The following GARNL3 variants were observed in gnomAD, a reference collection of about 807,000 sequenced individuals.
The protein encoded by GARNL3 is GTPase activating Rap/RanGAP domain like 3.
Under a neutral mutation model 125.0 loss-of-function variants are expected in GARNL3, and 63 were observed. That is an observed-to-expected ratio of 0.50 (90% CI 0.41 to 0.62). The LOEUF is 0.62. Among genes scored for constraint, GARNL3 ranks in the 20% least tolerant of loss-of-function variants. The pLI is 0.00. For missense variants in GARNL3, 994 were observed against 1,244.0 expected (o/e 0.80, Z 3.02); for synonymous variants, 439 against 457.5 (o/e 0.96, Z 0.52).
chr9:127,389,904 G>T (rs1461576742), intron 26 of GARNL3, among the ~76,000 whole-genome samples: 3 of 124,422 alleles, frequency 2.4e-5, no homozygotes, highest in Non-Finnish European at 4.8e-5. Flanking sequence ...CTGGGTGACA[G>T]AGTGACACCC....
intron 24 of GARNL3, among the ~76,000 whole-genome samples, chr9:127,386,142 G>C (rs905397891): frequency 2.6e-5 from 4 of 152,156 alleles, no homozygotes; most frequent in African/African-American, 9.7e-5. Context: ...TACAGTTGCA[G>C]TTCAACCATG....
At position 127,325,041 on chromosome 9, in the gene GARNL3, A is replaced by G. The variant is rs369677063; in HGVS notation, c.568-28A>G. 6 of 1,607,560 alleles carry G rather than the reference A, an allele frequency of 3.7e-6. No individual in the cohort carries two copies. In the African/African-American group the frequency reaches 4.0e-5, roughly 11 times the overall value. ...ATGAAATAATTACTGTTATGCCTGG[A>G]TGTAACTTTTAAAACTTTATTTGAC... On this transcript the variant is annotated intron_variant, in intron 6 of 27. Transcript: ENST00000373387.
intron 1 of GARNL3, among the ~76,000 whole-genome samples, chr9:127,272,988 A>G (rs2063861103): frequency 1.3e-5 from 2 of 152,016 alleles, no homozygotes; most frequent in Admixed American, 6.6e-5. Context: ...TATGGTTATT[A>G]TTTTATTATT....
chr9:127,363,537 A>C (rs1831124745), intron 21 of GARNL3: 1 of 152,244 alleles, frequency 6.6e-6, no homozygotes. Context: ...TTGGCACCAT[A>C]ATGAGACCTT....
chr9:127,243,230 C>T (rs1205675057), exon 2 of GARNL3: 1 of 1,366,608 alleles, frequency 7.3e-7, no homozygotes, highest in South Asian at 1.1e-5. Context: ...AGACCCTGAA[C>T]TAGAGTCCCA....
At position 127,345,381 on chromosome 9, in the gene GARNL3, ATAG is replaced by A. The variant is rs765753435; in HGVS notation, c.1357-21_1357-19del. ...TACTTTTGCCGCCTAGTAAACTTTA[ATAG>A]AGATCTCTGTTCTGTAAGGCACTAA... On this transcript the variant is annotated intron_variant, in intron 15 of 27. Transcript: ENST00000373387. 6.5e-7 allele frequency: 1 copy of A among 1,530,482 alleles called. No homozygotes were observed. Among genetic ancestry groups the A allele is most frequent in the Non-Finnish European group, 8.9e-7 (1 of 1,125,954 alleles). 94.8% of individuals were successfully genotyped at this position (1,530,482 alleles called of 1,614,324 possible). A position where few individuals can be genotyped will look rare whatever the true frequency, so the allele number is the denominator to read the frequency against.
intron 21 of GARNL3, among the ~76,000 whole-genome samples, chr9:127,359,453 G>C (rs1830864351): frequency 1.3e-5 from 2 of 151,846 alleles, no homozygotes; most frequent in South Asian, 4.2e-4. Context: ...TCGTGCCACT[G>C]CACTCCAGCC....
At chr9:127,287,306 A>G (rs2064278846) in intron 1 of GARNL3, among the ~76,000 whole-genome samples, 1 of 152,166 alleles carries the variant, frequency 6.6e-6, no homozygotes, top group Non-Finnish European at 1.5e-5. Flanking sequence ...ATGGGTTCTG[A>G]TAGAGATTGT....
chr9:127,336,190 A>G lies in GARNL3; in HGVS notation c.936A>G (p.Glu312=). The change falls in exon 11 of 28, where the codon GAA becomes GAG. Residue 312 remains glutamate (E), a synonymous_variant. Transcript: ENST00000373387. ...CCATTGTGTTCCAAGAAGGAGAGGAATCTTCTCCTGCCTTTAAGCCTTCCA... is the reference window on the plus strand; with the variant it reads ...CCATTGTGTTCCAAGAAGGAGAGGAGTCTTCTCCTGCCTTTAAGCCTTCCA... The part of the protein sequence containing the change: ...IVTIVFQEGE[E]SSPAFKPSMI... The G allele has an allele frequency of 6.2e-7, 1 of 1,613,820 alleles. No homozygotes were observed.
intron 1 of GARNL3, among the ~76,000 whole-genome samples, chr9:127,289,041 A>C (rs2064333988): frequency 6.6e-6 from 1 of 152,200 alleles, no homozygotes; most frequent in African/African-American, 2.4e-5. Context: ...CTATACCAGT[A>C]ACACTCTACC....
At chr9:127,261,127 G>A (rs572473659), upstream of GARNL3, among the ~76,000 whole-genome samples, 39 of 152,148 alleles carry the variant, frequency 2.6e-4, no homozygotes, top group South Asian at 7.9e-3. Context: ...ATGGTGGCGG[G>A]CACCTGTAAT....
chr9:127,231,046 ATATATTTTTTTTT>A (rs1564835301), intron 1 of GARNL3, among the ~76,000 whole-genome samples: 1 of 45,250 alleles, frequency 2.2e-5, no homozygotes, highest in Non-Finnish European at 3.9e-5. Flanking sequence ...ATATATATAT[ATATATTTTTTTTT>A]TTTTTTTTTT....
chr9:127,311,507 T>C, intron 2 of GARNL3, 129 bp from the exon 3 acceptor site: 1 of 648,220 alleles, frequency 1.5e-6, no homozygotes, highest in Non-Finnish European at 2.7e-6. Flanking sequence ...AATGAGAACA[T>C]GCAGCCACAG....
At chr9:127,309,321 G>A (rs1445535011) in intron 2 of GARNL3, among the ~76,000 whole-genome samples, 1 of 152,176 alleles carries the variant, frequency 6.6e-6, no homozygotes, top group Non-Finnish European at 1.5e-5. Flanking sequence ...TCTGAAAGTA[G>A]GGGGATAAAA....
chr9:127,354,050 G>C, intron 18 of GARNL3, 106 bp downstream of exon 18: 1 of 799,496 alleles, frequency 1.3e-6, no homozygotes, highest in African/African-American at 1.7e-5. Context: ...TCTGCCAGCT[G>C]TTTCCTTTCC....
chr9:127,312,381 G>A (rs1403843021), intron 3 of GARNL3, among the ~76,000 whole-genome samples: 5 of 152,112 alleles, frequency 3.3e-5, no homozygotes, highest in South Asian at 4.1e-4. Context: ...GAGATATTAC[G>A]AGTGCATATC....
intron 2 of GARNL3, 71 bp from the exon 3 acceptor site, chr9:127,311,565 C>G (rs2065099714): frequency 9.6e-7 from 1 of 1,038,492 alleles, no homozygotes; most frequent in African/African-American, 1.6e-5. Flanking sequence ...TCTTTGGCCG[C>G]TGGTTCATTG....
At chr9:127,313,383 C>T (rs2131473577) in intron 3 of GARNL3, 58 bp from the exon 4 acceptor site, 1 of 1,207,362 alleles carries the variant, frequency 8.3e-7, no homozygotes, top group Non-Finnish European at 1.2e-6. Flanking sequence ...GTGTCCTCTA[C>T]CATCTGTGGC....
In GARNL3 at chr9:127,357,314, A is replaced by G; in HGVS notation, c.2031A>G (p.Gln677=). 6.2e-7 allele frequency: 1 copy of G among 1,614,192 alleles called. No individual in the cohort carries two copies. Among genetic ancestry groups the G allele is most frequent in the Non-Finnish European group, 8.5e-7 (1 of 1,180,028 alleles). The change falls in exon 21 of 28, where the codon CAA becomes CAG. Residue 677 remains glutamine, a synonymous_variant. Coordinates refer to ENST00000373387, the MANE Select transcript of GARNL3 (RefSeq NM_032293.5). ...TCATCTGTGTGGCTTATCGACACCA[A>G]TTTGATGTGGTGAATGAGAGCACAG... is the stretch of plus-strand genomic sequence containing the variant. ...DNLICVAYRH[Q]FDVVNESTGE...
Sources: gnomAD v4.1 joint callset for allele counts (sites outside exome capture counted in the v4.1 genomes callset) on GRCh38, gnomAD v4.1.1 for gene constraint, MANE v1.5 for transcripts, NCBI Gene and HGNC (gene_info 2026-07-23, HGNC 2026-07-21) for gene names.